CDH18: variants seen among roughly 807,000 people sequenced by gnomAD.
The protein encoded by CDH18 is cadherin-18.
In CDH18, 31 loss-of-function variants were observed where a neutral mutation model predicts 67.9. That is an observed-to-expected ratio of 0.46 (90% CI 0.34 to 0.62). The LOEUF is 0.62. Ranked by LOEUF, CDH18 falls within the 20% of genes least tolerant of loss-of-function variation. The probability of loss-of-function intolerance (pLI) is 0.01; values close to 1 mark genes in which losing one functional copy is unlikely to be tolerated. For missense variants in CDH18, 890 were observed against 975.5 expected (o/e 0.91, Z 1.17); for synonymous variants, 362 against 347.2 (o/e 1.04, Z -0.48).
intron 2 of CDH18, among the ~76,000 whole-genome samples, chr5:20,131,760 C>A (rs1486391194): frequency 6.6e-5 from 10 of 152,206 alleles, no homozygotes; most frequent in African/African-American, 2.4e-4. Context: ...TATAACTACA[C>A]CACTTTAAGG....
chr5:20,497,356 G>C (rs1753973643), intron 1 of CDH18, among the ~76,000 whole-genome samples: 1 of 152,112 alleles, frequency 6.6e-6, no homozygotes, highest in Non-Finnish European at 1.5e-5. Context: ...TGTGATTGTG[G>C]TCCCATAAGA....
At chr5:20,035,872 T>C (rs1291828074) in intron 2 of CDH18, among the ~76,000 whole-genome samples, 1 of 152,060 alleles carries the variant, frequency 6.6e-6, no homozygotes, top group Non-Finnish European at 1.5e-5. Context: ...TATTATTTGT[T>C]GTTTTTGTTC....
At chr5:20,063,092 T>C (rs917883147) in intron 2 of CDH18, among the ~76,000 whole-genome samples, 28 of 150,596 alleles carry the variant, frequency 1.9e-4, no homozygotes, top group African/African-American at 6.1e-4. Context: ...TTTGATCAAA[T>C]ACTTTTTGAC....
chr5:20,267,496 T>C (rs1745129880), intron 1 of CDH18, among the ~76,000 whole-genome samples: 1 of 152,194 alleles, frequency 6.6e-6, no homozygotes, highest in African/African-American at 2.4e-5. Context: ...TTGATAGGGA[T>C]TGTATTGAAT....
At chr5:20,439,464 T>A (rs1367545586) in intron 1 of CDH18, among the ~76,000 whole-genome samples, 1 of 147,158 alleles carries the variant, frequency 6.8e-6, no homozygotes, top group Non-Finnish European at 1.5e-5. Flanking sequence ...CACACACACA[T>A]ACACATGCAC....
chr5:20,473,187 C>G (rs1581066370), intron 1 of CDH18, among the ~76,000 whole-genome samples: 1 of 151,588 alleles, frequency 6.6e-6, no homozygotes, highest in East Asian at 1.9e-4. Flanking sequence ...ATGTTTTGTT[C>G]TACTTAATAC....
chr5:20,419,941 A>G (rs1747726464), intron 1 of CDH18, among the ~76,000 whole-genome samples: 1 of 151,106 alleles, frequency 6.6e-6, no homozygotes, highest in African/African-American at 2.5e-5. Flanking sequence ...TCTTTCTGAA[A>G]AACAATCTCA....
chr5:19,650,515 A>C (rs886839889), intron 5 of CDH18, among the ~76,000 whole-genome samples: 1 of 152,042 alleles, frequency 6.6e-6, no homozygotes, highest in Non-Finnish European at 1.5e-5. Context: ...TCCTCCCTAC[A>C]TTGTCTGAGC....
At chr5:19,863,644 C>T (rs1336657081) in intron 2 of CDH18, among the ~76,000 whole-genome samples, 1 of 152,258 alleles carries the variant, frequency 6.6e-6, no homozygotes, top group African/African-American at 2.4e-5. Context: ...GAACATGATC[C>T]TCCCTTCTCT....
At chr5:20,485,633 C>CA (rs145991033) in intron 1 of CDH18, among the ~76,000 whole-genome samples, 5,499 of 152,066 alleles carry the variant, frequency 0.036, 105 homozygotes, top group Admixed American at 0.044. Context: ...ATTCTTCCAT[C>CA]AAAATCTATC....
intron 2 of CDH18, among the ~76,000 whole-genome samples, chr5:20,162,753 A>T (rs1346609425): frequency 6.6e-6 from 1 of 151,796 alleles, no homozygotes; most frequent in African/African-American, 2.4e-5. Flanking sequence ...TATAATAGAC[A>T]TATATAATAA....
At chr5:19,803,380 T>C (rs900461428) in intron 3 of CDH18, among the ~76,000 whole-genome samples, 3 of 152,244 alleles carry the variant, frequency 2.0e-5, no homozygotes, top group African/African-American at 7.2e-5. Flanking sequence ...CTGTCTGATA[T>C]TGTAACTGAT....
intron 4 of CDH18, among the ~76,000 whole-genome samples, chr5:19,731,187 C>T (rs1280483454): frequency 1.3e-5 from 2 of 152,162 alleles, no homozygotes; most frequent in Non-Finnish European, 2.9e-5. Flanking sequence ...CAGCGGCTTA[C>T]ACCTGTAATC....
intron 5 of CDH18, among the ~76,000 whole-genome samples, chr5:19,651,416 TATC>T (rs1403214828): frequency 6.6e-6 from 1 of 152,078 alleles, no homozygotes; most frequent in African/African-American, 2.4e-5. Flanking sequence ...TTATTAAAGA[TATC>T]ATAACATAAA....
intron 2 of CDH18, among the ~76,000 whole-genome samples, chr5:20,024,746 G>A (rs561564693): frequency 2.4e-4 from 36 of 152,292 alleles, no homozygotes; most frequent in African/African-American, 8.4e-4. Flanking sequence ...CATGGAAGGA[G>A]TCTAACAAGG....
intron 1 of CDH18, among the ~76,000 whole-genome samples, chr5:20,380,587 G>A (rs1023356798): frequency 2.0e-5 from 3 of 152,084 alleles, no homozygotes; most frequent in Non-Finnish European, 4.4e-5. Context: ...AAACTACAGC[G>A]AGTTAATTTT....
intron 1 of CDH18, among the ~76,000 whole-genome samples, chr5:20,544,173 C>T (rs1757207793): frequency 6.6e-6 from 1 of 150,910 alleles, no homozygotes; most frequent in Admixed American, 6.7e-5. Context: ...ATATTACAAA[C>T]ACAGAAATTT....
intron 1 of CDH18, among the ~76,000 whole-genome samples, chr5:20,313,595 T>G (rs1737191470): frequency 6.6e-6 from 1 of 152,064 alleles, no homozygotes; most frequent in African/African-American, 2.4e-5. Flanking sequence ...AATCAGGTTT[T>G]CAGGAAAATA....
chr5:20,525,801 T>TACACAC lies in CDH18; in HGVS notation c.-580+49655_-580+49660dup, dbSNP rs61256041. Among the ~76,000 whole-genome samples the TACACAC allele has an allele frequency of 5.4e-3, 801 of 148,930 alleles. 5 individuals are homozygous for TACACAC. Among genetic ancestry groups the TACACAC allele is most frequent in the Non-Finnish European group, 5.1e-3 (341 of 66,924 alleles). ...TCAATTATTTTATATGCTTCCACTA[T>TACACAC]ACACACACACACACACACACACACA... On this transcript the variant is annotated intron_variant, in intron 1 of 14. Coordinates refer to the CDH18 transcript ENST00000507958.
Sources: allele counts gnomAD v4.1 joint callset (sites outside exome capture counted in the v4.1 genomes callset), GRCh38; gene constraint gnomAD v4.1.1; transcripts MANE v1.5; gene names NCBI Gene and HGNC (gene_info 2026-07-23, HGNC 2026-07-21).